The following PTPRT variants were observed in gnomAD, a reference collection of about 807,000 sequenced individuals.
PTPRT encodes the protein receptor-type tyrosine-protein phosphatase T.
Under a neutral mutation model 176.8 loss-of-function variants are expected in PTPRT, and 56 were observed. That is an observed-to-expected ratio of 0.32 (90% confidence interval 0.26 to 0.40). The LOEUF (loss-of-function observed/expected upper bound fraction) is 0.40, where lower values mean the gene tolerates loss of function less well. PTPRT is among the 10% of genes least tolerant of loss of function. PTPRT has a pLI of 1.00. For synonymous variants in PTPRT, 783 were observed against 739.0 expected (o/e 1.06, Z -0.96); for missense variants, 1,540 against 1,908.2 (o/e 0.81, Z 3.60).
In PTPRT at chr20:42,199,301, C is replaced by T. The variant is rs575570413; in HGVS notation, c.2430G>A (p.Lys810=). 1.3e-5 allele frequency: 21 copies of T among 1,614,174 alleles called. 1 individual carries two copies. In the Admixed American group the frequency reaches 3.5e-4, roughly 27 times the overall value. The change falls in exon 16 of 31, where the codon AAG becomes AAA. Residue 810 remains lysine, a synonymous_variant. Coordinates refer to ENST00000373187, the MANE Select transcript of PTPRT (RefSeq NM_007050.6). The part of the protein sequence containing the change: ...PVASADKPTT[K]LSASRNDEGF... ...CTTCATCATTGCGGCTGGCGCTGAGCTTGGTGGTGGGTTTGTCGGCAGAGG... is the reference window on the plus strand; with the variant it reads ...CTTCATCATTGCGGCTGGCGCTGAGTTTGGTGGTGGGTTTGTCGGCAGAGG...
chr20:42,623,187 G>A (rs943508186), intron 7 of PTPRT, among the ~76,000 whole-genome samples: 3 of 152,294 alleles, frequency 2.0e-5, no homozygotes, highest in South Asian at 2.1e-4. Context: ...ACAAGAACCC[G>A]GGTGCCAAGA....
intron 1 of PTPRT, among the ~76,000 whole-genome samples, chr20:42,985,733 T>C (rs1351592688): frequency 6.6e-6 from 1 of 152,068 alleles, no homozygotes; most frequent in Non-Finnish European, 1.5e-5. Context: ...GGAGGGGCCA[T>C]AATTGTAAAT....
At chr20:42,122,221 A>C (rs1987627593) in intron 19 of PTPRT, among the ~76,000 whole-genome samples, 1 of 152,234 alleles carries the variant, frequency 6.6e-6, no homozygotes, top group Non-Finnish European at 1.5e-5. Context: ...GTTGTTGACC[A>C]GATTAAATGA....
At chr20:42,184,307 G>T (rs1342202541) in intron 16 of PTPRT, among the ~76,000 whole-genome samples, 1 of 152,118 alleles carries the variant, frequency 6.6e-6, no homozygotes, top group East Asian at 1.9e-4. Context: ...CTTCTTTTCT[G>T]CATTGACTAA....
chr20:42,818,457 A>C (rs1383882462), intron 2 of PTPRT, among the ~76,000 whole-genome samples: 1 of 152,210 alleles, frequency 6.6e-6, no homozygotes, highest in Non-Finnish European at 1.5e-5. Context: ...AATGCTGAAA[A>C]CACAAAAGGC....
At chr20:42,659,559 T>C (rs1307355006) in intron 7 of PTPRT, among the ~76,000 whole-genome samples, 1 of 152,236 alleles carries the variant, frequency 6.6e-6, no homozygotes, top group African/African-American at 2.4e-5. Context: ...TGGGATGGTC[T>C]TTCCCAGCCT....
At chr20:42,538,376 AAG>A (rs1453670733) in intron 7 of PTPRT, among the ~76,000 whole-genome samples, 1 of 152,178 alleles carries the variant, frequency 6.6e-6, no homozygotes, top group African/African-American at 2.4e-5. Flanking sequence ...GGAGTAGGTA[AAG>A]AGAGAGAGAA....
At chr20:42,685,315 A>G (rs1298671929) in intron 6 of PTPRT, 1 of 152,130 alleles carries the variant, frequency 6.6e-6, no homozygotes, top group Non-Finnish European at 1.5e-5. Flanking sequence ...CCGCCTTGTG[A>G]TGAATCAAAA....
intron 2 of PTPRT, among the ~76,000 whole-genome samples, chr20:42,796,555 C>T (rs913578123): frequency 3.3e-5 from 5 of 152,220 alleles, no homozygotes; most frequent in Admixed American, 6.5e-5. Flanking sequence ...CAGTTTCTAC[C>T]GCAGACAACT....
At chr20:42,857,866 G>A (rs1203425584) in intron 2 of PTPRT, among the ~76,000 whole-genome samples, 2 of 152,306 alleles carry the variant, frequency 1.3e-5, no homozygotes, top group African/African-American at 4.8e-5. Flanking sequence ...GGTGTCTCCT[G>A]TTTATGCGGG....
intron 1 of PTPRT, among the ~76,000 whole-genome samples, chr20:42,943,114 A>G (rs938325511): frequency 6.6e-6 from 1 of 152,222 alleles, no homozygotes; most frequent in African/African-American, 2.4e-5. Context: ...TGAGGAAAAG[A>G]GTCTTTCAAC....
intron 13 of PTPRT, among the ~76,000 whole-genome samples, chr20:42,252,821 C>T (rs75587187): frequency 1.3e-5 from 2 of 152,176 alleles, no homozygotes; most frequent in East Asian, 1.9e-4. Flanking sequence ...GAGGTTTAGA[C>T]GAATTCAATG....
chr20:42,808,824 T>C (rs1230701628), intron 2 of PTPRT, among the ~76,000 whole-genome samples: 1 of 152,194 alleles, frequency 6.6e-6, no homozygotes, highest in Non-Finnish European at 1.5e-5. Flanking sequence ...TCTGTAGTTT[T>C]GGCTACTTGG....
intron 7 of PTPRT, among the ~76,000 whole-genome samples, chr20:42,490,175 ATCT>A (rs958917797): frequency 1.5e-4 from 23 of 152,330 alleles, no homozygotes; most frequent in African/African-American, 5.3e-4. Flanking sequence ...GGAAGGGTAC[ATCT>A]TCTGTGTTTT....
chr20:42,397,614 C>T (rs575241268), intron 9 of PTPRT, among the ~76,000 whole-genome samples: 2 of 152,308 alleles, frequency 1.3e-5, no homozygotes, highest in East Asian at 3.9e-4. Context: ...TGACAAAGCA[C>T]ATGATTTCAT....
chr20:42,627,406 A>G (rs1338582414), intron 7 of PTPRT, among the ~76,000 whole-genome samples: 1 of 152,000 alleles, frequency 6.6e-6, no homozygotes, highest in Admixed American at 6.6e-5. Flanking sequence ...TGTAGCTGGG[A>G]CTACAGGTAT....
intron 1 of PTPRT, among the ~76,000 whole-genome samples, chr20:43,114,566 T>C (rs2012983428): frequency 6.6e-6 from 1 of 152,216 alleles, no homozygotes; most frequent in African/African-American, 2.4e-5. Flanking sequence ...CCCTATAAAA[T>C]ACATAGAGTT....
chr20:42,098,561 G>A lies in PTPRT; in HGVS notation c.3715-9C>T. ...GCAGGCTGCTTGTGGCTCTGACAAA[G>A]GAATGACACAGGCTTCGTAAATTAC... On this transcript the variant is annotated splice_polypyrimidine_tract_variant and intron_variant, in intron 26 of 30. Transcript: ENST00000373187. 1 of 1,614,018 alleles carries A rather than the reference G, an allele frequency of 6.2e-7. No homozygotes were observed.
At chr20:43,023,574 C>T (rs968220103) in intron 1 of PTPRT, among the ~76,000 whole-genome samples, 9 of 152,284 alleles carry the variant, frequency 5.9e-5, no homozygotes, top group Non-Finnish European at 1.3e-4. Context: ...GACCTGAGGC[C>T]GGCTGGTTAC....
Sources: allele counts gnomAD v4.1 joint callset (sites outside exome capture counted in the v4.1 genomes callset), GRCh38; gene constraint gnomAD v4.1.1; transcripts MANE v1.5; gene names NCBI Gene and HGNC (gene_info 2026-07-23, HGNC 2026-07-21).